Variants in LRRC37A observed in about 807,000 individuals in gnomAD.
LRRC37A encodes leucine rich repeat containing 37A.
In LRRC37A, 3 loss-of-function variants were observed where a neutral mutation model predicts 35.4. The observed-to-expected ratio is 0.08, with a 90% CI of 0.04 to 0.22. The LOEUF (loss-of-function observed/expected upper bound fraction) is 0.22. Among genes scored for constraint, LRRC37A ranks in the 10% least tolerant of loss-of-function variants. The probability of loss-of-function intolerance (pLI) is 1.00; values close to 1 mark genes in which losing one functional copy is unlikely to be tolerated. For synonymous variants in LRRC37A, 23 were observed against 215.0 expected (o/e 0.11, Z 7.81); for missense variants, 67 against 565.3 (o/e 0.12, Z 8.94).
intron 9 of LRRC37A, among the ~76,000 whole-genome samples, 166 bp from the exon 10 acceptor site, chr17:46,332,386 C>T (rs2052000648): frequency 2.8e-5 from 2 of 70,506 alleles, no homozygotes; most frequent in Non-Finnish European, 4.9e-5. Flanking sequence ...CCAGGGAGGT[C>T]GAGTCTAGTG....
At chr17:46,279,215 G>A in the LRRC37A span, among the ~76,000 whole-genome samples, 4 of 130,200 alleles carry the variant, frequency 3.1e-5, no homozygotes, top group East Asian at 4.6e-4. Context: ...ACAGAGTCTC[G>A]CTCTGTCGCC....
chr17:46,256,166 C>G, the LRRC37A span, among the ~76,000 whole-genome samples: 20,987 of 150,774 alleles, frequency 0.14, 2,000 homozygotes, highest in Non-Finnish European at 0.21. Context: ...GGGTGGATCA[C>G]TTGAGATCAG....
upstream of LRRC37A, among the ~76,000 whole-genome samples, chr17:46,289,243 C>T (rs376502978): frequency 1.3e-5 from 2 of 152,318 alleles, no homozygotes; most frequent in South Asian, 2.1e-4. Flanking sequence ...ACTGCAGTGA[C>T]ATAAACACGG....
chr17:46,265,295 TTC>T, the LRRC37A span, among the ~76,000 whole-genome samples: 3 of 94,220 alleles, frequency 3.2e-5, no homozygotes, highest in East Asian at 9.5e-4. Context: ...CTTCTTCTTC[TTC>T]TTCTTCTTCT....
upstream of LRRC37A, among the ~76,000 whole-genome samples, chr17:46,292,199 G>C (rs561606101): frequency 2.5e-4 from 17 of 68,272 alleles, 4 homozygotes; most frequent in African/African-American, 6.1e-4. Context: ...GGGTGTGGTG[G>C]TGGGCACCTG....
the LRRC37A span, among the ~76,000 whole-genome samples, chr17:46,249,899 G>A: frequency 1.3e-5 from 2 of 152,208 alleles, no homozygotes; most frequent in Non-Finnish European, 2.9e-5. Flanking sequence ...CCACCTCCCG[G>A]GTTCAAGCAA....
Position 46,332,589 on chromosome 17 carries a change from A to G in LRRC37A, c.4742A>G (p.Lys1581Arg), listed in dbSNP as rs758004963. Residue 1581 changes from lysine (K) to arginine (R), a missense_variant, in exon 10 of 14, where the codon AAA (lysine) becomes AGA (arginine). Transcript: ENST00000320254. ...GTTCCAGGATATGGCTATACTGACAAACTCATCTTGGCATTAATTGTTACT... is the reference window on the plus strand; with the variant it reads ...GTTCCAGGATATGGCTATACTGACAGACTCATCTTGGCATTAATTGTTACT... 6 of 1,292,328 alleles carry G rather than the reference A, an allele frequency of 4.6e-6. 1 individual carries two copies. Among genetic ancestry groups the G allele is most frequent in the Admixed American group, 3.9e-5 (2 of 50,878 alleles). The allele number at this position is 1,292,328 out of a possible 1,614,324, so 80.1% of individuals were successfully genotyped here. A position where few individuals can be genotyped will look rare whatever the true frequency, so the allele number is the denominator to read the frequency against.
At chr17:46,287,870 G>A (rs562419466), upstream of LRRC37A, among the ~76,000 whole-genome samples, 11 of 152,352 alleles carry the variant, frequency 7.2e-5, no homozygotes, top group South Asian at 2.1e-4. Flanking sequence ...AATAAAAGAC[G>A]TAATGACAAA....
chr17:46,267,229 G>T, the LRRC37A span: 115,072 of 706,290 alleles, frequency 0.16, 22 homozygotes, highest in Non-Finnish European at 0.21. Flanking sequence ...ATCCCAGGGC[G>T]CCCGACCCAT....
the LRRC37A span, among the ~76,000 whole-genome samples, chr17:46,263,473 C>T: frequency 6.6e-6 from 1 of 150,724 alleles, no homozygotes; most frequent in Non-Finnish European, 1.5e-5. Flanking sequence ...ATCGATTGAA[C>T]CCAGGAGGTG....
At chr17:46,261,294 A>G in the LRRC37A span, among the ~76,000 whole-genome samples, 1 of 152,232 alleles carries the variant, frequency 6.6e-6, no homozygotes, top group Non-Finnish European at 1.5e-5. Context: ...TCCATAGGCT[A>G]TCAGTCTCCC....
chr17:46,260,256 C>G, the LRRC37A span: 8,706 of 1,524,106 alleles, frequency 5.7e-3, 246 homozygotes, highest in Non-Finnish European at 6.3e-3. Flanking sequence ...ACGGCCGCAG[C>G]GGGTGGTTGT....
intron 7 of LRRC37A, among the ~76,000 whole-genome samples, chr17:46,324,097 G>A (rs552357999): frequency 8.3e-6 from 1 of 120,596 alleles, no homozygotes; most frequent in Non-Finnish European, 1.8e-5. Context: ...GTGTGGAAAT[G>A]CCATCTCTAC....
chr17:46,262,147 A>C, the LRRC37A span, among the ~76,000 whole-genome samples: 19,463 of 151,994 alleles, frequency 0.13, no homozygotes, highest in Middle Eastern at 0.2. Flanking sequence ...ACGGGGTTTC[A>C]TCATATTGCA....
upstream of LRRC37A, among the ~76,000 whole-genome samples, chr17:46,291,344 A>G (rs181015401): frequency 5.3e-4 from 80 of 152,194 alleles, no homozygotes; most frequent in Admixed American, 3.9e-3. Flanking sequence ...AGTTACAACA[A>G]TCTCAATGGA....
At chr17:46,275,762 TGTGTTTATTTACAC>T in the LRRC37A span, among the ~76,000 whole-genome samples, 1 of 152,260 alleles carries the variant, frequency 6.6e-6, no homozygotes, top group Non-Finnish European at 1.5e-5. Flanking sequence ...TGTGTATGTG[TGTGTTTATTTACAC>T]GGATGAGGGG....
chr17:46,292,091 A>G (rs1382037845), upstream of LRRC37A, among the ~76,000 whole-genome samples: 1 of 143,068 alleles, frequency 7.0e-6, no homozygotes, highest in Admixed American at 7.1e-5. Context: ...CAGCACTTTG[A>G]GAGGCTGAGG....
At chr17:46,274,588 T>G in the LRRC37A span, among the ~76,000 whole-genome samples, 1 of 152,248 alleles carries the variant, frequency 6.6e-6, no homozygotes, top group African/African-American at 2.4e-5. Context: ...TAACCGTGGC[T>G]GGATTTTATA....
chr17:46,278,402 T>G, the LRRC37A span, among the ~76,000 whole-genome samples: 14 of 129,350 alleles, frequency 1.1e-4, no homozygotes, highest in African/African-American at 3.3e-4. Context: ...TTTTATTTTG[T>G]TTTTTTTTTG....
Sources: gnomAD v4.1 joint callset for allele counts (sites outside exome capture counted in the v4.1 genomes callset) on GRCh38, gnomAD v4.1.1 for gene constraint, MANE v1.5 for transcripts, NCBI Gene and HGNC (gene_info 2026-07-23, HGNC 2026-07-21) for gene names.